Variants in TMEM108 observed in about 807,000 individuals in gnomAD.
TMEM108 encodes transmembrane protein 108.
In TMEM108, 12 loss-of-function variants were observed where a neutral mutation model predicts 35.1. The ratio of observed to expected loss-of-function variants is 0.34; its 90% CI spans 0.22 to 0.55. TMEM108 has a LOEUF of 0.55. TMEM108 is among the 20% of genes least tolerant of loss of function. The pLI is 0.89. For missense variants in TMEM108, 680 were observed against 753.3 expected, an observed-to-expected ratio of 0.90 and a Z score of 1.14; for synonymous variants, 287 against 308.6, an observed-to-expected ratio of 0.93 and a Z score of 0.73.
chr3:133,314,956 A>C (rs1278774288), intron 3 of TMEM108, among the ~76,000 whole-genome samples: 1 of 152,226 alleles, frequency 6.6e-6, no homozygotes, highest in African/African-American at 2.4e-5. Flanking sequence ...AAAATGCCTT[A>C]GTTTAAAACT....
At chr3:133,393,683 A>T (rs2073266824) in intron 5 of TMEM108, among the ~76,000 whole-genome samples, 3 of 152,206 alleles carry the variant, frequency 2.0e-5, no homozygotes, top group African/African-American at 4.8e-5. Context: ...GTGGAAAAAA[A>T]TATGTAACTT....
chr3:133,344,090 ATCT>A (rs2071744355), intron 3 of TMEM108, among the ~76,000 whole-genome samples: 1 of 151,880 alleles, frequency 6.6e-6, no homozygotes, highest in Non-Finnish European at 1.5e-5. Flanking sequence ...AGATGATATA[ATCT>A]TCTTTTCAAA....
intron 3 of TMEM108, among the ~76,000 whole-genome samples, chr3:133,279,214 C>T (rs1360515352): frequency 1.3e-5 from 2 of 152,184 alleles, no homozygotes; most frequent in Non-Finnish European, 2.9e-5. Flanking sequence ...CGTGCATGGA[C>T]GAAATCCTCT....
chr3:133,386,660 A>G lies in TMEM108; in HGVS notation c.1451-3520A>G, dbSNP rs1161000327. ...GTCTTGATGGCTACTGCCTCAGGAG[A>G]AACAGAGCAGTTGAAGCTTTTCAAC... On this transcript the variant is annotated intron_variant, in intron 4 of 5. Coordinates refer to ENST00000321871, the MANE Select transcript of TMEM108 (RefSeq NM_023943.4). The G allele has an allele frequency of 2.8e-6, 4 of 1,413,970 alleles. No homozygotes were observed. In the East Asian group the frequency reaches 1.0e-4, roughly 36 times the overall value. 87.6% of individuals were successfully genotyped at this position (1,413,970 alleles called of 1,614,324 possible). A position where few individuals can be genotyped will look rare whatever the true frequency, so the allele number is the denominator to read the frequency against.
At chr3:133,335,740 A>G (rs1287564723) in intron 3 of TMEM108, among the ~76,000 whole-genome samples, 1 of 152,186 alleles carries the variant, frequency 6.6e-6, no homozygotes, top group African/African-American at 2.4e-5. Context: ...CAAAAGAACC[A>G]AAAATAAGAT....
chr3:133,155,899 T>C (rs2107773002), intron 2 of TMEM108, among the ~76,000 whole-genome samples: 1 of 152,174 alleles, frequency 6.6e-6, no homozygotes, highest in Middle Eastern at 3.4e-3. Flanking sequence ...GCATTTTTGT[T>C]ATGAAATTTT....
At chr3:133,201,070 C>T (rs1398449590) in intron 2 of TMEM108, among the ~76,000 whole-genome samples, 2 of 152,110 alleles carry the variant, frequency 1.3e-5, no homozygotes, top group African/African-American at 4.8e-5. Context: ...TGAACTTATA[C>T]CAAGTACAAA....
intron 3 of TMEM108, among the ~76,000 whole-genome samples, chr3:133,356,003 G>A (rs2072154960): frequency 6.6e-6 from 1 of 151,954 alleles, no homozygotes; most frequent in Non-Finnish European, 1.5e-5. Flanking sequence ...GAAATATAGG[G>A]CATCCAAATT....
At chr3:133,322,124 A>G (rs1349727995) in intron 3 of TMEM108, among the ~76,000 whole-genome samples, 1 of 152,194 alleles carries the variant, frequency 6.6e-6, no homozygotes, top group Non-Finnish European at 1.5e-5. Context: ...AAGGTACTAG[A>G]GAAACAACAA....
chr3:133,370,651 G>A (rs1317945444), intron 3 of TMEM108, among the ~76,000 whole-genome samples: 1 of 152,072 alleles, frequency 6.6e-6, no homozygotes, highest in Non-Finnish European at 1.5e-5. Flanking sequence ...TTTTATCAGA[G>A]GCTGAGTTGA....
intron 4 of TMEM108, chr3:133,388,850 T>G: frequency 1.0e-6 from 1 of 985,788 alleles, no homozygotes. Flanking sequence ...CACCCTGGCA[T>G]GAACCCACCC....
At chr3:133,146,127 T>G (rs1944716282) in intron 2 of TMEM108, among the ~76,000 whole-genome samples, 1 of 152,246 alleles carries the variant, frequency 6.6e-6, no homozygotes, top group Non-Finnish European at 1.5e-5. Context: ...CTTATTGTTT[T>G]GAGATACATT....
intron 2 of TMEM108, among the ~76,000 whole-genome samples, chr3:133,086,566 G>T (rs982232967): frequency 2.6e-5 from 4 of 152,020 alleles, no homozygotes; most frequent in African/African-American, 7.2e-5. Flanking sequence ...GAACTATTAC[G>T]AGATGAGCAT....
intron 2 of TMEM108, among the ~76,000 whole-genome samples, chr3:133,106,210 G>A (rs1944151270): frequency 7.1e-6 from 1 of 141,676 alleles, no homozygotes. Context: ...GGCTTAAAGA[G>A]TGGGTGGGTT....
chr3:133,347,819 G>A (rs1355028746), intron 3 of TMEM108, among the ~76,000 whole-genome samples: 1 of 151,840 alleles, frequency 6.6e-6, no homozygotes, highest in Non-Finnish European at 1.5e-5. Context: ...TTTCATAATT[G>A]CAACAGAAAA....
chr3:133,396,211 C>A lies in TMEM108; in HGVS notation c.*225C>A, dbSNP rs2073304299. The stretch of plus-strand genomic sequence containing the variant: ...TTTATAAAATAAAGGTATTTCTAAG[C>A]AAAGCAGTTGCATTGATTGCTTCTC... On this transcript the variant is annotated 3_prime_UTR_variant, in exon 6 of 6. Transcript: ENST00000321871. 1.0e-5 allele frequency: 2 copies of A among 191,612 alleles called. No individual in the cohort carries two copies. Among genetic ancestry groups the A allele is most frequent in the Non-Finnish European group, 2.0e-5 (2 of 99,994 alleles). 11.9% of individuals were successfully genotyped at this position (191,612 alleles called of 1,614,324 possible).
rs551564672 is a variant in TMEM108 at position 133,192,128 on chromosome 3, G to A, written c.-46-37138G>A. 6.6e-5 allele frequency among the ~76,000 whole-genome samples: 10 copies of A among 152,284 alleles called. No individual in the cohort carries two copies. In the South Asian group the frequency reaches 2.1e-3, roughly 32 times the overall value. ...TGACAGCTTGAAGAACCAGTGTTTGGATGCAGGAGGAAGAGTTACAATTGC... is the reference window on the plus strand; with the variant it reads ...TGACAGCTTGAAGAACCAGTGTTTGAATGCAGGAGGAAGAGTTACAATTGC... On this transcript the variant is annotated intron_variant, in intron 2 of 5. Coordinates refer to ENST00000321871, the MANE Select transcript of TMEM108 (RefSeq NM_023943.4).
intron 2 of TMEM108, among the ~76,000 whole-genome samples, chr3:133,140,752 CAT>C (rs1944629959): frequency 6.6e-6 from 1 of 152,006 alleles, no homozygotes; most frequent in Non-Finnish European, 1.5e-5. Context: ...GTGATAGAAA[CAT>C]ATCACAGTAC....
chr3:133,113,471 T>C (rs1944250418), intron 2 of TMEM108, among the ~76,000 whole-genome samples: 1 of 152,212 alleles, frequency 6.6e-6, no homozygotes, highest in African/African-American at 2.4e-5. Flanking sequence ...GATGGTCATC[T>C]ATGAGCGATG....
Sources: gnomAD v4.1 joint callset for allele counts (sites outside exome capture counted in the v4.1 genomes callset) on GRCh38, gnomAD v4.1.1 for gene constraint, MANE v1.5 for transcripts, NCBI Gene and HGNC (gene_info 2026-07-23, HGNC 2026-07-21) for gene names.